Variants in NALCN observed in about 807,000 individuals in gnomAD.
NALCN encodes sodium leak channel, non-selective, also known as sodium leak channel NALCN.
Under a neutral mutation model 225.3 loss-of-function variants are expected in NALCN, and 111 were observed. The observed-to-expected ratio is 0.49, with a 90% CI of 0.42 to 0.58. The LOEUF (loss-of-function observed/expected upper bound fraction) is 0.58. NALCN is among the 20% of genes least tolerant of loss of function. The probability of loss-of-function intolerance (pLI) is 0.00; values close to 1 mark genes in which losing one functional copy is unlikely to be tolerated. For missense variants in NALCN, 1,378 were observed against 2,202.4 expected (o/e 0.63, Z 7.49); for synonymous variants, 764 against 769.0 (o/e 0.99, Z 0.11).
chr13:101,056,852 T>C (rs1705438554), intron 43 of NALCN: 1 of 152,212 alleles, frequency 6.6e-6, no homozygotes, highest in Admixed American at 6.5e-5. Flanking sequence ...CCTAATTGCC[T>C]ACAGGATAAA....
intron 15 of NALCN, among the ~76,000 whole-genome samples, chr13:101,151,170 C>G (rs749993992): frequency 5.9e-5 from 9 of 152,182 alleles, no homozygotes; most frequent in Non-Finnish European, 1.2e-4. Context: ...CATTACACAT[C>G]GGGCGGCTGA....
chr13:101,278,632 A>G (rs2043043694), intron 10 of NALCN, among the ~76,000 whole-genome samples: 2 of 152,102 alleles, frequency 1.3e-5, no homozygotes, highest in South Asian at 4.1e-4. Flanking sequence ...TGCTTACAAG[A>G]TGAAAAGAGT....
intron 1 of NALCN, among the ~76,000 whole-genome samples, chr13:101,406,499 T>C (rs2047629027): frequency 6.6e-6 from 1 of 152,202 alleles, no homozygotes; most frequent in Admixed American, 6.5e-5. Context: ...AAATGACTTT[T>C]TCAATATATT....
intron 13 of NALCN, among the ~76,000 whole-genome samples, chr13:101,228,609 C>T (rs1399952622): frequency 6.6e-6 from 1 of 152,196 alleles, no homozygotes; most frequent in Non-Finnish European, 1.5e-5. Context: ...CACCTTCCAC[C>T]ATGACTGTGA....
At chr13:101,253,534 T>G (rs2042123830) in intron 11 of NALCN, among the ~76,000 whole-genome samples, 1 of 152,210 alleles carries the variant, frequency 6.6e-6, no homozygotes, top group African/African-American at 2.4e-5. Flanking sequence ...GAGAATTAAA[T>G]GAGACAATGA....
chr13:101,066,343 T>C (rs995298153), intron 39 of NALCN, among the ~76,000 whole-genome samples: 2 of 151,888 alleles, frequency 1.3e-5, no homozygotes, highest in African/African-American at 2.4e-5. Flanking sequence ...TAACTCCTTT[T>C]CATGTCTTCT....
rs570813844 is a variant in NALCN at position 101,309,307 on chromosome 13, G to A, written c.800-16941C>T. 2.0e-5 allele frequency among the ~76,000 whole-genome samples: 3 copies of A among 152,242 alleles called. No individual in the cohort carries two copies. The South Asian group carries it at 6.2e-4, about 32-fold the overall frequency. The stretch of plus-strand genomic sequence containing the variant: ...CATTCTTGAAAGGACTACCAAGCCT[G>A]CATCTTGTTATTCTAGGCAAACAAA... On this transcript the variant is annotated intron_variant, in intron 7 of 43. Transcript: ENST00000251127.
At chr13:101,295,529 T>G (rs182040714) in intron 7 of NALCN, among the ~76,000 whole-genome samples, 1 of 152,168 alleles carries the variant, frequency 6.6e-6, no homozygotes, top group Admixed American at 6.5e-5. Flanking sequence ...TCATTTGGAG[T>G]CAAGTAAAAA....
chr13:101,064,542 A>T (rs2032210712), intron 40 of NALCN, among the ~76,000 whole-genome samples: 1 of 149,218 alleles, frequency 6.7e-6, no homozygotes, highest in African/African-American at 2.5e-5. Context: ...TTATAAAAGG[A>T]GGAATTTGAA....
intron 10 of NALCN, among the ~76,000 whole-genome samples, chr13:101,270,408 C>T (rs1594571163): frequency 1.3e-5 from 2 of 152,118 alleles, no homozygotes; most frequent in South Asian, 2.1e-4. Context: ...TAGTATTAAA[C>T]GGTGGGCAGT....
intron 17 of NALCN, among the ~76,000 whole-genome samples, chr13:101,125,652 C>T (rs567925352): frequency 2.6e-5 from 4 of 152,094 alleles, no homozygotes; most frequent in African/African-American, 9.6e-5. Flanking sequence ...CTAGATGATA[C>T]GTAAAGGAGA....
At chr13:101,254,264 T>C (rs2042148178) in intron 11 of NALCN, among the ~76,000 whole-genome samples, 1 of 148,444 alleles carries the variant, frequency 6.7e-6, no homozygotes, top group African/African-American at 2.5e-5. Flanking sequence ...TCCCAGCTTC[T>C]TGGGATGCTA....
At chr13:101,083,948 T>C (rs2033799176) in intron 30 of NALCN, 144 bp from the exon 31 acceptor site, 1 of 669,608 alleles carries the variant, frequency 1.5e-6, no homozygotes, top group South Asian at 3.0e-5. Flanking sequence ...GAGAGAAACA[T>C]GGTCAGAATG....
chr13:101,273,882 C>T (rs1281388621), intron 10 of NALCN, among the ~76,000 whole-genome samples: 1 of 87,452 alleles, frequency 1.1e-5, no homozygotes, highest in Non-Finnish European at 2.2e-5. Context: ...AAGACTCCAT[C>T]TCAAAAAAAA....
At chr13:101,306,471 G>A (rs1014851037) in intron 7 of NALCN, among the ~76,000 whole-genome samples, 1 of 152,190 alleles carries the variant, frequency 6.6e-6, no homozygotes, top group African/African-American at 2.4e-5. Flanking sequence ...TGCAGGCACT[G>A]ACAAAGCTGC....
chr13:101,319,558 T>TA (rs1475967550), intron 7 of NALCN, among the ~76,000 whole-genome samples: 4 of 152,168 alleles, frequency 2.6e-5, no homozygotes, highest in Non-Finnish European at 5.9e-5. Flanking sequence ...TTTTAGAAGA[T>TA]ACGTAAACCA....
intron 10 of NALCN, among the ~76,000 whole-genome samples, chr13:101,260,999 A>G (rs1358156011): frequency 6.6e-6 from 1 of 152,118 alleles, no homozygotes; most frequent in East Asian, 1.9e-4. Context: ...GTAATTTCAT[A>G]GTTTGAGGTC....
chr13:101,077,793 G>A (rs34564052), intron 34 of NALCN, among the ~76,000 whole-genome samples: 53,714 of 152,054 alleles, frequency 0.35, 10,237 homozygotes, highest in African/African-American at 0.48. Context: ...CTAATCACCA[G>A]GACAATGGGG....
chr13:101,245,182 T>C (rs1255300063), intron 11 of NALCN, among the ~76,000 whole-genome samples: 1 of 152,216 alleles, frequency 6.6e-6, no homozygotes, highest in Non-Finnish European at 1.5e-5. Context: ...GAAGGGCTCA[T>C]TGGGACCCTT....
Sources: allele counts gnomAD v4.1 joint callset (sites outside exome capture counted in the v4.1 genomes callset), GRCh38; gene constraint gnomAD v4.1.1; transcripts MANE v1.5; gene names NCBI Gene and HGNC (gene_info 2026-07-23, HGNC 2026-07-21).